FGD5: variants seen among roughly 807,000 people sequenced by gnomAD.
The protein encoded by FGD5 is FYVE, RhoGEF and PH domain containing 5, also known as FYVE, RhoGEF and PH domain-containing protein 5.
Under a neutral mutation model 133.4 loss-of-function variants are expected in FGD5, and 28 were observed. The ratio of observed to expected loss-of-function variants is 0.21; its 90% CI spans 0.16 to 0.29. The LOEUF is 0.29. Among genes scored for constraint, FGD5 ranks in the 10% least tolerant of loss-of-function variants. FGD5 has a pLI of 1.00. For synonymous variants in FGD5, 810 were observed against 776.5 expected (o/e 1.04, Z -0.72); for missense variants, 1,858 against 1,895.2 (o/e 0.98, Z 0.36).
rs2036481824 is a variant in FGD5, at chr3:14,820,875, C to T, written c.1804C>T (p.Pro602Ser). 1.2e-6 allele frequency: 2 copies of T among 1,613,692 alleles called. No homozygotes were observed. The highest frequency in any genetic ancestry group is 1.7e-6 in the Non-Finnish European group (2 of 1,179,818). ...GAGTTTCTCCCAGAGAAACCACCTTCCGTCCAGCGGCACCTCCACGCCTTC... is the reference window on the plus strand; with the variant it reads ...GAGTTTCTCCCAGAGAAACCACCTTTCGTCCAGCGGCACCTCCACGCCTTC... The part of the protein sequence containing the change: ...SGSFSQRNHL[P>S]SSGTSTPSSM... Residue 602 changes from proline to serine, a missense_variant, in exon 1 of 20, where the codon CCG (proline) becomes TCG (serine). Coordinates refer to ENST00000285046, the MANE Select transcript of FGD5 (RefSeq NM_152536.4).
intron 1 of FGD5, among the ~76,000 whole-genome samples, chr3:14,824,776 T>C (rs1432780797): frequency 6.6e-6 from 1 of 152,216 alleles, no homozygotes; most frequent in Non-Finnish European, 1.5e-5. Flanking sequence ...TTTTTCTCAC[T>C]ATTGGGAAAT....
At chr3:14,815,433 C>T (rs1425938782), upstream of FGD5, among the ~76,000 whole-genome samples, 2 of 151,906 alleles carry the variant, frequency 1.3e-5, no homozygotes, top group East Asian at 1.9e-4. Context: ...CTTACCCTTT[C>T]TCTTGCATAT....
At chr3:14,902,071 C>T (rs1687332) in intron 9 of FGD5, among the ~76,000 whole-genome samples, 18,503 of 151,762 alleles carry the variant, frequency 0.12, 1,482 homozygotes, top group East Asian at 0.41. Flanking sequence ...CACTTGAGGT[C>T]AGGAGTTCAA....
chr3:14,925,638 A>T (rs2038788232), intron 17 of FGD5, among the ~76,000 whole-genome samples: 2 of 152,158 alleles, frequency 1.3e-5, no homozygotes, highest in African/African-American at 4.8e-5. Context: ...CGCTGCACAC[A>T]CCCCACTAGG....
intron 4 of FGD5, among the ~76,000 whole-genome samples, chr3:14,882,902 C>T (rs1476072375): frequency 6.6e-6 from 1 of 152,108 alleles, no homozygotes; most frequent in Non-Finnish European, 1.5e-5. Flanking sequence ...TCGAATCTAT[C>T]CCTGGTTGCT....
intron 1 of FGD5, among the ~76,000 whole-genome samples, chr3:14,860,114 G>A (rs2037368593): frequency 6.6e-6 from 1 of 152,198 alleles, no homozygotes; most frequent in South Asian, 2.1e-4. Context: ...GGAATGGGAA[G>A]AAACGCCCAA....
At chr3:14,887,144 A>G (rs1046764285) in intron 4 of FGD5, among the ~76,000 whole-genome samples, 10 of 152,074 alleles carry the variant, frequency 6.6e-5, no homozygotes, top group Non-Finnish European at 1.5e-4. Context: ...ATTGGGTTGT[A>G]TGTCTCTCCG....
Position 14,902,776 on chromosome 3 carries a change from G to GT in FGD5, c.3264+1717dup, listed in dbSNP as rs533730953. Among the ~76,000 whole-genome samples the GT allele has an allele frequency of 6.6e-5, 10 of 152,320 alleles. No individual in the cohort carries two copies. In the South Asian group the frequency reaches 1.9e-3, roughly 28 times the overall value. On this transcript the variant is annotated intron_variant, in intron 9 of 19. Coordinates refer to ENST00000285046, the MANE Select transcript of FGD5 (RefSeq NM_152536.4). ...CGAGGAATAGCAGCAGATGGGCTGG[G>GT]TTCTCCACATTTCCCTTTAGCCGGG...
chr3:14,884,370 C>T (rs913611326), intron 4 of FGD5, among the ~76,000 whole-genome samples: 1 of 152,182 alleles, frequency 6.6e-6, no homozygotes, highest in Admixed American at 6.5e-5. Flanking sequence ...ACACAGGAGG[C>T]CCACATGACC....
At chr3:14,910,505 A>G (rs1381096137) in intron 10 of FGD5, among the ~76,000 whole-genome samples, 1 of 152,180 alleles carries the variant, frequency 6.6e-6, no homozygotes, top group Admixed American at 6.5e-5. Context: ...ACTGTGTCTT[A>G]GGCTGCAGAC....
intron 13 of FGD5, among the ~76,000 whole-genome samples, 195 bp from the exon 14 acceptor site, chr3:14,921,723 C>T (rs148771715): frequency 6.6e-6 from 1 of 152,332 alleles, no homozygotes; most frequent in East Asian, 1.9e-4. Flanking sequence ...AAGAAACAGA[C>T]CCAAGGACAG....
upstream of FGD5, among the ~76,000 whole-genome samples, chr3:14,817,142 A>G (rs2036382058): frequency 6.6e-6 from 1 of 152,254 alleles, no homozygotes; most frequent in African/African-American, 2.4e-5. Context: ...TTGATTACAT[A>G]TTGAAATGAT....
chr3:14,898,135 C>T (rs1477361074), intron 6 of FGD5, 40 bp downstream of exon 6: 1 of 1,611,970 alleles, frequency 6.2e-7, no homozygotes, highest in East Asian at 2.2e-5. Flanking sequence ...TGTAAGGATG[C>T]AGGGGTTGAG....
intron 11 of FGD5, among the ~76,000 whole-genome samples, chr3:14,911,727 G>T (rs1033348938): frequency 2.0e-5 from 3 of 149,782 alleles, no homozygotes; most frequent in African/African-American, 7.4e-5. Flanking sequence ...ATGGGAGGGA[G>T]AAGCAAGCAG....
chr3:14,880,946 G>A (rs533196666), intron 4 of FGD5, among the ~76,000 whole-genome samples, 174 bp downstream of exon 4: 52 of 152,290 alleles, frequency 3.4e-4, no homozygotes, highest in African/African-American at 1.2e-3. Context: ...ATGTGCTTCC[G>A]GGGGCAGACA....
chr3:14,821,662 G>T, intron 1 of FGD5, 66 bp downstream of exon 1: 1 of 1,456,830 alleles, frequency 6.9e-7, no homozygotes, highest in Non-Finnish European at 9.0e-7. Context: ...GCGTGGGTGT[G>T]GGGGACAGAT....
intron 1 of FGD5, 148 bp downstream of exon 1, chr3:14,821,744 C>T: frequency 4.4e-6 from 5 of 1,129,820 alleles, no homozygotes; most frequent in Non-Finnish European, 6.0e-6. Context: ...CTTTATATCT[C>T]TGAGCCTCGG....
chr3:14,857,019 T>C (rs1421907946), intron 1 of FGD5, among the ~76,000 whole-genome samples: 1 of 152,212 alleles, frequency 6.6e-6, no homozygotes, highest in African/African-American at 2.4e-5. Context: ...ATTTATCATA[T>C]ATGGCCATTA....
chr3:14,820,163 T>C lies in FGD5; in HGVS notation c.1092T>C (p.Pro364=). 6.2e-7 allele frequency: 1 copy of C among 1,613,994 alleles called. No individual in the cohort carries two copies. Among genetic ancestry groups the C allele is most frequent in the South Asian group, 1.1e-5 (1 of 91,086 alleles). Residue 364 remains proline, a synonymous_variant, in exon 1 of 20, where the codon CCT becomes CCC. Transcript: ENST00000285046. ...CTTTTTGCAGCGAGAGCTGTTCTCC[T>C]CTTTCTGAATCAGCGAAAGGTTTAG... The part of the protein sequence containing the change: ...STSFCSESCS[P]LSESAKGLES...
Sources: gnomAD v4.1 joint callset for allele counts (sites outside exome capture counted in the v4.1 genomes callset) on GRCh38, gnomAD v4.1.1 for gene constraint, MANE v1.5 for transcripts, NCBI Gene and HGNC (gene_info 2026-07-23, HGNC 2026-07-21) for gene names.